The following PTBP3 variants were observed in gnomAD, a reference collection of about 807,000 sequenced individuals.
PTBP3 encodes the protein polypyrimidine tract-binding protein 3.
PTBP3 carries 20 observed loss-of-function variants against 58.7 expected under a neutral mutation model. That is an observed-to-expected ratio of 0.34 (90% CI 0.24 to 0.50). The LOEUF (loss-of-function observed/expected upper bound fraction) is 0.50. PTBP3 is among the 20% of genes least tolerant of loss of function. The pLI is 0.98. For synonymous variants in PTBP3, 185 were observed against 219.8 expected, an observed-to-expected ratio of 0.84 and a Z score of 1.40; for missense variants, 509 against 637.2, an observed-to-expected ratio of 0.80 and a Z score of 2.17.
In PTBP3 at chr9:112,223,741, C is replaced by CAGAAA. The variant is rs34621641; in HGVS notation, c.*109_*110insTTTCT. ...TTAAAATATACTTGAATATCAAACT[C>CAGAAA]AGAGTTATTTTTGTGAAAGAGGCAA... On this transcript the variant is annotated 3_prime_UTR_variant, in exon 14 of 14. Coordinates refer to ENST00000374257, the MANE Select transcript of PTBP3 (RefSeq NM_001163788.4). 3.4e-6 allele frequency: 5 copies of CAGAAA among 1,490,016 alleles called. No homozygotes were observed. The African/African-American group carries it at 7.2e-5, about 21-fold the overall frequency. 92.3% of individuals were successfully genotyped at this position (1,490,016 alleles called of 1,614,324 possible). A position where few individuals can be genotyped will look rare whatever the true frequency, so the allele number is the denominator to read the frequency against.
chr9:112,289,524 T>C (rs947149791), intron 2 of PTBP3, among the ~76,000 whole-genome samples: 1 of 152,176 alleles, frequency 6.6e-6, no homozygotes, highest in Non-Finnish European at 1.5e-5. Flanking sequence ...CTCACACCTA[T>C]AATCCCAACA....
intron 1 of PTBP3, among the ~76,000 whole-genome samples, chr9:112,308,263 G>A (rs1403624395): frequency 9.3e-5 from 14 of 150,680 alleles, no homozygotes; most frequent in African/African-American, 3.4e-4. Context: ...CTGGGCTCAA[G>A]TGATCCTCTG....
At chr9:112,272,999 G>A (rs1221281576) in intron 3 of PTBP3, among the ~76,000 whole-genome samples, 1 of 152,150 alleles carries the variant, frequency 6.6e-6, no homozygotes, top group Non-Finnish European at 1.5e-5. Flanking sequence ...TTTGTCAAAT[G>A]TTTCCACATA....
chr9:112,230,314 A>AC (rs1835152023), intron 10 of PTBP3, among the ~76,000 whole-genome samples: 1 of 152,142 alleles, frequency 6.6e-6, no homozygotes, highest in Non-Finnish European at 1.5e-5. Flanking sequence ...AAACAGTGAG[A>AC]CCCTGTCTCT....
the PTBP3 span, among the ~76,000 whole-genome samples, chr9:112,365,230 C>T: frequency 1.3e-5 from 2 of 152,108 alleles, no homozygotes; most frequent in Non-Finnish European, 2.9e-5. Context: ...ATCCATTCAT[C>T]CATTGATGGA....
At chr9:112,241,319 G>C (rs1441374664) in intron 7 of PTBP3, among the ~76,000 whole-genome samples, 1 of 152,132 alleles carries the variant, frequency 6.6e-6, no homozygotes, top group African/African-American at 2.4e-5. Flanking sequence ...GGCCAGGCTG[G>C]TCTCAAACTC....
At chr9:112,379,854 A>C in the PTBP3 span, 1 of 517,978 alleles carries the variant, frequency 1.9e-6, no homozygotes, top group Non-Finnish European at 3.4e-6. Flanking sequence ...AGGCGCCGAC[A>C]GGAGCCTGAT....
At chr9:112,337,396 A>T (rs1184655653), upstream of PTBP3, among the ~76,000 whole-genome samples, 5 of 152,216 alleles carry the variant, frequency 3.3e-5, no homozygotes, top group Non-Finnish European at 4.4e-5. Flanking sequence ...AATAGTAGGT[A>T]GCATAGAGTT....
chr9:112,259,358 T>C (rs1589833735), intron 5 of PTBP3, among the ~76,000 whole-genome samples: 1 of 152,210 alleles, frequency 6.6e-6, no homozygotes, highest in South Asian at 2.1e-4. Flanking sequence ...TTACCCAATA[T>C]AAGAAATTAT....
chr9:112,252,544 C>T lies in PTBP3; in HGVS notation c.627+134G>A, dbSNP rs556853122. On this transcript the variant is annotated intron_variant, in intron 6 of 13. Transcript: ENST00000374257. Reference sequence around the variant, plus strand: ...GAAAAAAAAAACATGGAATCATACACTTTAAAACGACTAAAATGGTAAACA... The same window carrying T: ...GAAAAAAAAAACATGGAATCATACATTTTAAAACGACTAAAATGGTAAACA... The T allele has an allele frequency of 4.8e-5, 32 of 669,342 alleles. No homozygotes were observed. The South Asian group carries it at 5.2e-4, about 11-fold the overall frequency. 41.5% of individuals were successfully genotyped at this position (669,342 alleles called of 1,614,324 possible).
chr9:112,345,422 C>T, the PTBP3 span, among the ~76,000 whole-genome samples: 32 of 137,662 alleles, frequency 2.3e-4, 1 homozygote, highest in African/African-American at 8.6e-4. Context: ...GTCACCCAGG[C>T]TGGAGTGCAG....
intron 1 of PTBP3, chr9:112,330,402 T>C: frequency 7.1e-7 from 1 of 1,407,452 alleles, no homozygotes; most frequent in Non-Finnish European, 9.9e-7. Context: ...TGCCAAAAGA[T>C]ATAAAAATGC....
chr9:112,303,700 C>T (rs1004880055), intron 1 of PTBP3, among the ~76,000 whole-genome samples: 6 of 151,894 alleles, frequency 4.0e-5, no homozygotes, highest in Non-Finnish European at 8.8e-5. Flanking sequence ...CCCGTCTCTA[C>T]TAAAATTACA....
At chr9:112,348,989 T>G in the PTBP3 span, among the ~76,000 whole-genome samples, 2 of 152,182 alleles carry the variant, frequency 1.3e-5, no homozygotes, top group South Asian at 4.1e-4. Flanking sequence ...AGAAATATAT[T>G]TAGTCTTTGT....
chr9:112,352,327 TG>T, the PTBP3 span, among the ~76,000 whole-genome samples: 1 of 152,152 alleles, frequency 6.6e-6, no homozygotes, highest in Non-Finnish European at 1.5e-5. Context: ...TTTTTTAGTT[TG>T]AGAGTGTCAG....
At chr9:112,298,109 A>T (rs1229486879) in intron 1 of PTBP3, among the ~76,000 whole-genome samples, 193 bp from the exon 2 acceptor site, 2 of 152,206 alleles carry the variant, frequency 1.3e-5, no homozygotes, top group Non-Finnish European at 2.9e-5. Flanking sequence ...AACTATATAA[A>T]CACAACTGCC....
At position 112,232,203 on chromosome 9, in the gene PTBP3, G is replaced by A; in HGVS notation, c.916C>T (p.Pro306Ser). The A allele has an allele frequency of 6.2e-7, 1 of 1,611,236 alleles. No individual in the cohort carries two copies. Among genetic ancestry groups the A allele is most frequent in the Non-Finnish European group, 8.5e-7 (1 of 1,177,624 alleles). Residue 306 changes from proline (P) to serine (S), a missense_variant, in exon 9 of 14, where the codon CCT (proline) becomes TCT (serine). Pro to Ser is a moderately conservative substitution (Grantham distance 74). Transcript: ENST00000374257. ...ACAGCAGAAGAGGTGATTGTGAGAG[G>A]ACCAAGAGCTCCAGGAACAGCTGGA... ...SVPAVPGALG[P>S]LTITSSAVTG...
rs2131929667 is a variant in PTBP3 at position 112,221,751 on chromosome 9, A to G, written c.*2100T>C. The G allele has an allele frequency of 1.0e-6, 1 of 985,190 alleles. No individual in the cohort carries two copies. The highest frequency in any genetic ancestry group is 1.2e-6 in the Non-Finnish European group (1 of 829,708). The allele number at this position is 985,190 out of a possible 1,614,324, so 61.0% of individuals were successfully genotyped here. On this transcript the variant is annotated 3_prime_UTR_variant, in exon 14 of 14. Coordinates refer to ENST00000374257, the MANE Select transcript of PTBP3 (RefSeq NM_001163788.4). ...ACTTAGTATCCCTCCTTTCTATTCTACCAACTAAGTGTTGCTCAGTGGTGA... is the reference window on the plus strand; with the variant it reads ...ACTTAGTATCCCTCCTTTCTATTCTGCCAACTAAGTGTTGCTCAGTGGTGA...
Position 112,223,504 on chromosome 9 carries a change from T to G in PTBP3, c.*347A>C. 9 of 921,154 alleles carry G rather than the reference T, an allele frequency of 9.8e-6. No homozygotes were observed. Among genetic ancestry groups the G allele is most frequent in the Non-Finnish European group, 1.2e-5 (9 of 765,838 alleles). 57.1% of individuals were successfully genotyped at this position (921,154 alleles called of 1,614,324 possible). A position where few individuals can be genotyped will look rare whatever the true frequency, so the allele number is the denominator to read the frequency against. Reference sequence around the variant, plus strand: ...TTAAAAGTACAAATGAGTTTAGAAATGTTGTATAAGGCTGATCTGGACCCA... The same window carrying G: ...TTAAAAGTACAAATGAGTTTAGAAAGGTTGTATAAGGCTGATCTGGACCCA... On this transcript the variant is annotated 3_prime_UTR_variant, in exon 14 of 14. Transcript: ENST00000374257.
Sources: gnomAD v4.1 joint callset for allele counts (sites outside exome capture counted in the v4.1 genomes callset) on GRCh38, gnomAD v4.1.1 for gene constraint, MANE v1.5 for transcripts, NCBI Gene and HGNC (gene_info 2026-07-23, HGNC 2026-07-21) for gene names.